CADPS2: variants seen among roughly 807,000 people sequenced by gnomAD.
The protein encoded by CADPS2 is calcium-dependent secretion activator 2.
A neutral mutation model predicts 172.5 loss-of-function variants in CADPS2; 93 were observed. The ratio of observed to expected loss-of-function variants is 0.54; its 90% CI spans 0.46 to 0.64. The LOEUF is 0.64. CADPS2 is among the 30% of genes least tolerant of loss of function. CADPS2 has a pLI of 0.00. For synonymous variants in CADPS2, 546 were observed against 555.2 expected, an observed-to-expected ratio of 0.98 and a Z score of 0.23; for missense variants, 1,420 against 1,565.9, an observed-to-expected ratio of 0.91 and a Z score of 1.57.
chr7:122,399,588 A>G (rs527463689), intron 20 of CADPS2, among the ~76,000 whole-genome samples: 2 of 149,566 alleles, frequency 1.3e-5, no homozygotes, highest in East Asian at 2.0e-4. Flanking sequence ...ATGTCCCACA[A>G]TACTTGCCCC....
chr7:122,562,383 GA>G (rs2065886584), intron 7 of CADPS2, among the ~76,000 whole-genome samples: 1 of 152,138 alleles, frequency 6.6e-6, no homozygotes, highest in South Asian at 2.1e-4. Flanking sequence ...CTTCATAATT[GA>G]AGAGAGAAAC....
intron 2 of CADPS2, among the ~76,000 whole-genome samples, chr7:122,674,525 C>T (rs1255378874): frequency 1.3e-5 from 2 of 152,148 alleles, no homozygotes; most frequent in African/African-American, 4.8e-5. Flanking sequence ...TTAACAAAGT[C>T]GCGGTGAACT....
intron 3 of CADPS2, among the ~76,000 whole-genome samples, chr7:122,642,929 T>G (rs959905554): frequency 4.6e-5 from 7 of 152,156 alleles, no homozygotes; most frequent in Non-Finnish European, 1.0e-4. Context: ...TGCACTCTTT[T>G]GTTTTCTTAT....
At position 122,393,497 on chromosome 7, in the gene CADPS2, A is replaced by G. The variant is rs761545638; in HGVS notation, c.2832T>C (p.Ser944=). ...CTCTGTGAATTGACTGGGCGATGGA[A>G]GACTCCATGAGATCCACATAGCGGA... ...LVVRYVDLME[S]SIAQSIHRGF... is the part of the protein sequence containing the mutation. Residue 944 remains serine, a synonymous_variant, in exon 21 of 30, where the codon TCT becomes TCC. Transcript: ENST00000449022. The G allele has an allele frequency of 8.7e-6, 14 of 1,613,920 alleles. No individual in the cohort carries two copies. The highest frequency in any genetic ancestry group is 1.2e-5 in the Non-Finnish European group (14 of 1,179,836).
chr7:122,505,879 G>A (rs1001640595), intron 9 of CADPS2, among the ~76,000 whole-genome samples: 5 of 152,054 alleles, frequency 3.3e-5, no homozygotes, highest in African/African-American at 1.2e-4. Context: ...CCTTTGCAAG[G>A]TAATAATAAA....
intron 1 of CADPS2, among the ~76,000 whole-genome samples, chr7:122,848,828 G>T (rs1812733741): frequency 6.6e-6 from 1 of 152,094 alleles, no homozygotes; most frequent in Non-Finnish European, 1.5e-5. Context: ...ATAAAATAAG[G>T]AAGATGGGAA....
chr7:122,873,629 G>A (rs372572354), intron 1 of CADPS2, among the ~76,000 whole-genome samples: 14 of 152,164 alleles, frequency 9.2e-5, no homozygotes, highest in Non-Finnish European at 1.6e-4. Context: ...TACAGTAAAC[G>A]TACGTGTGCA....
rs370574330 is a variant in CADPS2, at chr7:122,354,840, T to C, written c.3504+5948A>G. Among the ~76,000 whole-genome samples the C allele has an allele frequency of 5.1e-4, 77 of 152,260 alleles. No homozygotes were observed. In the South Asian group the frequency reaches 0.011, roughly 23 times the overall value. ...GGTTCTATGATGGGGCCATAAACTG[T>C]ATAACTGCCACAGAACTCCTCCCCA... is the stretch of plus-strand genomic sequence containing the variant. On this transcript the variant is annotated intron_variant, in intron 27 of 29. Transcript: ENST00000449022.
chr7:122,797,647 G>C (rs1796672582), intron 1 of CADPS2, among the ~76,000 whole-genome samples: 1 of 151,068 alleles, frequency 6.6e-6, no homozygotes, highest in Admixed American at 6.6e-5. Context: ...TAAATGATGA[G>C]AACACATGGA....
chr7:122,545,413 A>G (rs1052293900), intron 8 of CADPS2, among the ~76,000 whole-genome samples: 8 of 152,162 alleles, frequency 5.3e-5, no homozygotes, highest in African/African-American at 1.9e-4. Flanking sequence ...CTCAGGGTAC[A>G]TGAACTGATC....
intron 11 of CADPS2, among the ~76,000 whole-genome samples, chr7:122,489,425 TACA>T (rs1368175161): frequency 7.9e-5 from 12 of 152,154 alleles, no homozygotes; most frequent in Admixed American, 1.3e-4. Flanking sequence ...TGTAAAGGAG[TACA>T]ACAAGTTAAA....
At chr7:122,357,372 A>G (rs557404309) in intron 27 of CADPS2, 14 of 152,230 alleles carry the variant, frequency 9.2e-5, no homozygotes, top group Non-Finnish European at 1.6e-4. Flanking sequence ...CTAATTTCCA[A>G]AGTTACTCAG....
intron 8 of CADPS2, among the ~76,000 whole-genome samples, 189 bp downstream of exon 8, chr7:122,554,361 A>G (rs1208327814): frequency 6.6e-6 from 1 of 152,052 alleles, no homozygotes; most frequent in Non-Finnish European, 1.5e-5. Flanking sequence ...TTAACTAAGG[A>G]CTCATGTATT....
At chr7:122,796,787 C>T (rs530900394) in intron 1 of CADPS2, among the ~76,000 whole-genome samples, 5 of 151,558 alleles carry the variant, frequency 3.3e-5, no homozygotes, top group African/African-American at 1.2e-4. Context: ...CTAGGCAATA[C>T]CATTCCGGAA....
rs1351168460 is a variant in CADPS2, at chr7:122,742,095, T to A, written c.340-5027A>T. Among the ~76,000 whole-genome samples the A allele has an allele frequency of 5.3e-5, 8 of 152,214 alleles. No homozygotes were observed. The South Asian group carries it at 1.0e-3, about 20-fold the overall frequency. On this transcript the variant is annotated intron_variant, in intron 1 of 29. Coordinates refer to ENST00000449022, the MANE Select transcript of CADPS2 (RefSeq NM_017954.11). ...CGCAGAGTCGCTATTATAGCTTTTT[T>A]AAAAATCTAAACAAACTGGGCGCAG...
chr7:122,699,820 G>T (rs2085740536), intron 2 of CADPS2, among the ~76,000 whole-genome samples: 2 of 152,264 alleles, frequency 1.3e-5, no homozygotes, highest in South Asian at 2.1e-4. Flanking sequence ...AGGAGAAAGG[G>T]TGTCAAGGGA....
intron 8 of CADPS2, among the ~76,000 whole-genome samples, chr7:122,513,556 G>A (rs912464115): frequency 6.6e-6 from 1 of 152,192 alleles, no homozygotes; most frequent in Non-Finnish European, 1.5e-5. Flanking sequence ...ACCACAAATT[G>A]AGCAAAGTAG....
chr7:122,430,743 T>G (rs544161646), intron 17 of CADPS2, among the ~76,000 whole-genome samples: 2 of 152,354 alleles, frequency 1.3e-5, no homozygotes, highest in East Asian at 3.9e-4. Flanking sequence ...TAACTGTTTC[T>G]ATGAAACATG....
At chr7:122,547,518 T>G (rs1215434875) in intron 8 of CADPS2, among the ~76,000 whole-genome samples, 1 of 152,168 alleles carries the variant, frequency 6.6e-6, no homozygotes, top group Non-Finnish European at 1.5e-5. Flanking sequence ...TAAAAAAAAT[T>G]CATCAATTCA....
Sources: allele counts gnomAD v4.1 joint callset (sites outside exome capture counted in the v4.1 genomes callset), GRCh38; gene constraint gnomAD v4.1.1; transcripts MANE v1.5; gene names NCBI Gene and HGNC (gene_info 2026-07-23, HGNC 2026-07-21).